ADAMTS3: variants seen among roughly 807,000 people sequenced by gnomAD.
The protein encoded by ADAMTS3 is ADAM metallopeptidase with thrombospondin type 1 motif 3.
Under a neutral mutation model 129.0 loss-of-function variants are expected in ADAMTS3, and 73 were observed. The observed-to-expected ratio is 0.57, with a 90% CI of 0.47 to 0.69. The LOEUF is 0.69. Among genes scored for constraint, ADAMTS3 ranks in the 30% least tolerant of loss-of-function variants. The probability of loss-of-function intolerance (pLI) is 0.00; values close to 1 mark genes in which losing one functional copy is unlikely to be tolerated. For missense variants in ADAMTS3, 1,457 were observed against 1,514.5 expected, an observed-to-expected ratio of 0.96 and a Z score of 0.63; for synonymous variants, 477 against 510.8, an observed-to-expected ratio of 0.93 and a Z score of 0.89.
chr4:72,450,357 G>A (rs988685752), intron 3 of ADAMTS3, among the ~76,000 whole-genome samples: 3 of 151,688 alleles, frequency 2.0e-5, no homozygotes, highest in Non-Finnish European at 2.9e-5. Flanking sequence ...CACCATGGAA[G>A]AGCATGCAAG....
Position 72,319,858 on chromosome 4 carries a change from A to T in ADAMTS3, c.1208T>A (p.Val403Glu). The T allele has an allele frequency of 6.2e-7, 1 of 1,611,306 alleles. No homozygotes were observed. The highest frequency in any genetic ancestry group is 8.5e-7 in the Non-Finnish European group (1 of 1,177,556). ...AFVVAHETGH[V>E]LGMEHDGQGN... Reference sequence around the variant, plus strand: ...TTTATAGCTGTCAGCAGTGACTTACACATGGCCCGTTTCATGGGCTACTAC... The same window carrying T: ...TTTATAGCTGTCAGCAGTGACTTACTCATGGCCCGTTTCATGGGCTACTAC... Residue 403 changes from valine (V) to glutamate (E), a missense_variant and splice_region_variant, in exon 8 of 22, where the codon GTG (valine) becomes GAG (glutamate). Transcript: ENST00000286657.
rs554581588 is a variant in ADAMTS3, at chr4:72,503,235, C to G, written c.504+45243G>C. On this transcript the variant is annotated intron_variant, in intron 3 of 21. Transcript: ENST00000286657. Reference sequence around the variant, plus strand: ...ATGGGGTTTCACCATCTTGGCCAGGCTGGTCTTGAACTCCTGACCTTGTGA... The same window carrying G: ...ATGGGGTTTCACCATCTTGGCCAGGGTGGTCTTGAACTCCTGACCTTGTGA... Among the ~76,000 whole-genome samples the G allele has an allele frequency of 2.8e-3, 433 of 152,128 alleles. 4 individuals carry two copies. The highest frequency in any genetic ancestry group is 0.01 in the African/African-American group (420 of 41,506).
intron 4 of ADAMTS3, among the ~76,000 whole-genome samples, chr4:72,356,616 T>C (rs1442206500): frequency 6.6e-6 from 1 of 151,872 alleles, no homozygotes; most frequent in Non-Finnish European, 1.5e-5. Context: ...AATGTTACCA[T>C]TTCCAGATAA....
chr4:72,393,481 T>C (rs1721652593), intron 4 of ADAMTS3, among the ~76,000 whole-genome samples: 1 of 152,210 alleles, frequency 6.6e-6, no homozygotes, highest in South Asian at 2.1e-4. Context: ...CAATAAAAGA[T>C]GAGCAAAAGT....
At chr4:72,472,485 G>T (rs1159354368) in intron 3 of ADAMTS3, among the ~76,000 whole-genome samples, 3 of 151,998 alleles carry the variant, frequency 2.0e-5, no homozygotes, top group Non-Finnish European at 4.4e-5. Context: ...ATGAAAATCA[G>T]TTTGTTTTCT....
chr4:72,535,382 G>A (rs988596968), intron 3 of ADAMTS3, among the ~76,000 whole-genome samples: 6 of 152,078 alleles, frequency 3.9e-5, no homozygotes, highest in Non-Finnish European at 8.8e-5. Context: ...GGCTTCGTAC[G>A]ATCAGCTCAG....
chr4:72,537,442 A>C (rs1204488091), intron 3 of ADAMTS3, among the ~76,000 whole-genome samples: 1 of 152,074 alleles, frequency 6.6e-6, no homozygotes, highest in Non-Finnish European at 1.5e-5. Flanking sequence ...TGTGAACCAG[A>C]GATTGAATAC....
At chr4:72,550,982 T>G (rs1721632011) in intron 2 of ADAMTS3, among the ~76,000 whole-genome samples, 1 of 152,134 alleles carries the variant, frequency 6.6e-6, no homozygotes, top group Non-Finnish European at 1.5e-5. Context: ...TGTTTGATGC[T>G]TATTAAGTTA....
rs777641279 is a variant in ADAMTS3, at chr4:72,323,080, A to G, written c.879T>C (p.His293=). 2.5e-6 allele frequency: 4 copies of G among 1,613,368 alleles called. No individual in the cohort carries two copies. Among genetic ancestry groups the G allele is most frequent in the Admixed American group, 1.7e-5 (1 of 60,000 alleles). The change falls in exon 6 of 22, where the codon CAT becomes CAC. Residue 293 remains histidine, a synonymous_variant. Coordinates refer to ENST00000286657, the MANE Select transcript of ADAMTS3 (RefSeq NM_014243.3). ...TLMNIVNEIY[H]DESLGVHINV... is the part of the protein sequence containing the mutation. ...TTATATGCACTCCGAGGGACTCATC[A>G]TGGTAAATTTCATTCACCTAGCAAC...
At chr4:72,558,496 T>A (rs1721821680) in intron 2 of ADAMTS3, among the ~76,000 whole-genome samples, 1 of 151,624 alleles carries the variant, frequency 6.6e-6, no homozygotes, top group African/African-American at 2.4e-5. Context: ...TCCAGGATAA[T>A]CTCGCTATTT....
chr4:72,545,894 T>C (rs376122928), intron 3 of ADAMTS3, among the ~76,000 whole-genome samples: 3 of 152,218 alleles, frequency 2.0e-5, no homozygotes, highest in African/African-American at 7.2e-5. Flanking sequence ...ATTTTTAGTA[T>C]CAAACATTTC....
At chr4:72,309,625 C>G in intron 14 of ADAMTS3, 105 bp from the exon 15 acceptor site, 2 of 1,239,462 alleles carry the variant, frequency 1.6e-6, no homozygotes, top group South Asian at 3.8e-5. Flanking sequence ...CACAGTCAGC[C>G]AATTTATAGC....
chr4:72,568,394 G>C (rs1722076644), intron 1 of ADAMTS3, among the ~76,000 whole-genome samples: 1 of 152,128 alleles, frequency 6.6e-6, no homozygotes, highest in African/African-American at 2.4e-5. Context: ...GCCCGGCGAG[G>C]ATGGGAACTG....
intron 3 of ADAMTS3, among the ~76,000 whole-genome samples, chr4:72,448,852 G>T (rs1430588435): frequency 2.0e-5 from 3 of 151,464 alleles, no homozygotes; most frequent in African/African-American, 4.8e-5. Flanking sequence ...TCTGAATTTT[G>T]TTCATTTATG....
At chr4:72,303,842 G>T in intron 17 of ADAMTS3, 75 bp downstream of exon 17, 1 of 1,473,444 alleles carries the variant, frequency 6.8e-7, no homozygotes, top group Non-Finnish European at 9.4e-7. Flanking sequence ...AATGTTCAAG[G>T]TAAAAGTGTT....
At chr4:72,285,024 T>C (rs1718465426) in intron 21 of ADAMTS3, among the ~76,000 whole-genome samples, 1 of 152,232 alleles carries the variant, frequency 6.6e-6, no homozygotes. Flanking sequence ...GTGGCATTTA[T>C]GTAATAGAAT....
rs530331834 is a variant in ADAMTS3, at chr4:72,349,493, T to G, written c.662-9800A>C. On this transcript the variant is annotated intron_variant, in intron 4 of 21. Coordinates refer to ENST00000286657, the MANE Select transcript of ADAMTS3 (RefSeq NM_014243.3). ...TCACAATAAGAGATAATCTGACCAT[T>G]CTCCCATTTAACGAGCACAGTGTCC... 4.6e-5 allele frequency among the ~76,000 whole-genome samples: 7 copies of G among 152,104 alleles called. No individual in the cohort carries two copies. In the East Asian group the frequency reaches 1.4e-3, roughly 30 times the overall value.
intron 3 of ADAMTS3, among the ~76,000 whole-genome samples, chr4:72,520,599 C>T (rs867417378): frequency 2.0e-5 from 3 of 152,258 alleles, no homozygotes; most frequent in East Asian, 1.9e-4. Flanking sequence ...CTCAGACTGC[C>T]GTGCTAGCAA....
intron 3 of ADAMTS3, among the ~76,000 whole-genome samples, chr4:72,441,374 T>C (rs1222230734): frequency 1.3e-5 from 2 of 151,756 alleles, no homozygotes; most frequent in African/African-American, 2.4e-5. Flanking sequence ...AAAAATTGGA[T>C]TGTCTTTTCA....
Sources: gnomAD v4.1 joint callset for allele counts (sites outside exome capture counted in the v4.1 genomes callset) on GRCh38, gnomAD v4.1.1 for gene constraint, MANE v1.5 for transcripts, NCBI Gene and HGNC (gene_info 2026-07-23, HGNC 2026-07-21) for gene names.